PDE3B: variants seen among roughly 807,000 people sequenced by gnomAD.
PDE3B encodes cGMP-inhibited 3',5'-cyclic phosphodiesterase 3B.
In PDE3B, 66 loss-of-function variants were observed where a neutral mutation model predicts 116.8. The observed-to-expected ratio is 0.56, with a 90% CI of 0.46 to 0.69. The LOEUF (loss-of-function observed/expected upper bound fraction) is 0.69, where lower values mean the gene tolerates loss of function less well. Ranked by LOEUF, PDE3B falls within the 30% of genes least tolerant of loss-of-function variation. The pLI is 0.00. For missense variants in PDE3B, 1,384 were observed against 1,368.1 expected (o/e 1.01, Z -0.18); for synonymous variants, 595 against 533.6 (o/e 1.12, Z -1.59).
At chr11:14,869,417 A>G (rs781786617) in intron 15 of PDE3B, 44 bp from the exon 16 acceptor site, 10 of 1,535,456 alleles carry the variant, frequency 6.5e-6, no homozygotes, top group African/African-American at 1.4e-5. Context: ...GAATGATTAA[A>G]TCATATTGCT....
intron 1 of PDE3B, among the ~76,000 whole-genome samples, chr11:14,697,381 A>G (rs1391796999): frequency 1.3e-5 from 2 of 152,122 alleles, no homozygotes; most frequent in African/African-American, 4.8e-5. Flanking sequence ...TTCCCTTCAG[A>G]CTTTCAGTGG....
rs145571831 is a variant in PDE3B at position 14,787,180 on chromosome 11, A to T, written c.1278+495A>T. Among the ~76,000 whole-genome samples the T allele has an allele frequency of 1.8e-3, 280 of 152,058 alleles. 1 individual carries two copies. The highest frequency in any genetic ancestry group is 6.4e-3 in the African/African-American group (264 of 41,544). ...TGTAGCCCAGTAGGCATTGATTTTT[A>T]TATCATTAGAATAGAGGATTAATTT... On this transcript the variant is annotated intron_variant, in intron 3 of 15. Coordinates refer to ENST00000282096, the MANE Select transcript of PDE3B (RefSeq NM_000922.4).
At chr11:14,781,755 C>T (rs1445923034) in intron 2 of PDE3B, among the ~76,000 whole-genome samples, 1 of 152,130 alleles carries the variant, frequency 6.6e-6, no homozygotes, top group African/African-American at 2.4e-5. Flanking sequence ...CAGCACAAGA[C>T]AGGGGTGCCT....
chr11:14,819,902 G>A (rs188562463), intron 7 of PDE3B, among the ~76,000 whole-genome samples: 95 of 152,184 alleles, frequency 6.2e-4, no homozygotes, highest in Non-Finnish European at 7.2e-4. Context: ...ATGACTGATA[G>A]GATGAGCAAT....
At chr11:14,783,525 C>T (rs147120805) in intron 2 of PDE3B, among the ~76,000 whole-genome samples, 2,409 of 152,080 alleles carry the variant, frequency 0.016, 57 homozygotes, top group African/African-American at 0.055. Flanking sequence ...AACCAAACAC[C>T]GCATGTTCTT....
downstream of PDE3B, chr11:14,872,119 AT>A (rs1848150168): frequency 6.6e-6 from 1 of 151,298 alleles, no homozygotes; most frequent in African/African-American, 2.4e-5. Context: ...TTTTCTACTT[AT>A]TTTTACAAGA....
chr11:14,671,207 C>G lies in PDE3B; in HGVS notation c.978+26154C>G, dbSNP rs1854356131. 1.3e-5 allele frequency among the ~76,000 whole-genome samples: 2 copies of G among 152,000 alleles called. 1 individual carries two copies. Among genetic ancestry groups the G allele is most frequent in the South Asian group, 4.1e-4 (2 of 4,828 alleles). On this transcript the variant is annotated intron_variant, in intron 1 of 15. Transcript: ENST00000282096. ...ACTGTGATGCATGAAGAAAATAAAA[C>G]AGAATAATAGTATAAAGGGATACTA...
chr11:14,812,953 TAA>T (rs1482021530), intron 5 of PDE3B, among the ~76,000 whole-genome samples: 1 of 152,066 alleles, frequency 6.6e-6, no homozygotes, highest in Non-Finnish European at 1.5e-5. Context: ...GAGTGCCTTA[TAA>T]AAGAGACCTC....
At chr11:14,849,006 C>G (rs1847677620) in intron 12 of PDE3B, among the ~76,000 whole-genome samples, 1 of 151,916 alleles carries the variant, frequency 6.6e-6, no homozygotes, top group African/African-American at 2.4e-5. Context: ...CATATGGAAC[C>G]AAAAAAGAGC....
chr11:14,740,745 TA>T (rs1414449792), intron 1 of PDE3B, among the ~76,000 whole-genome samples: 2 of 152,182 alleles, frequency 1.3e-5, no homozygotes, highest in Non-Finnish European at 2.9e-5. Flanking sequence ...ATTTAGTCTG[TA>T]AATTCCTCTC....
chr11:14,879,192 C>T, the PDE3B span: 1 of 1,613,300 alleles, frequency 6.2e-7, no homozygotes, highest in South Asian at 1.1e-5. Flanking sequence ...TGGAACACTT[C>T]TGGGTCTCTC....
At chr11:14,721,908 T>C (rs921945560) in intron 1 of PDE3B, among the ~76,000 whole-genome samples, 7 of 131,608 alleles carry the variant, frequency 5.3e-5, no homozygotes, top group Non-Finnish European at 1.1e-4. Flanking sequence ...ACATGTACCC[T>C]AAAACTTAAA....
intron 4 of PDE3B, among the ~76,000 whole-genome samples, chr11:14,796,088 A>G (rs1348198873): frequency 6.6e-6 from 1 of 151,890 alleles, no homozygotes; most frequent in Non-Finnish European, 1.5e-5. Flanking sequence ...ATGTGTTCTC[A>G]TTGTTCAACT....
In PDE3B at chr11:14,786,580, A is replaced by G; in HGVS notation, c.1173A>G (p.Ser391=). The G allele has an allele frequency of 1.2e-6, 2 of 1,613,132 alleles. No individual in the cohort carries two copies. The highest frequency in any genetic ancestry group is 1.1e-5 in the South Asian group (1 of 91,060). Residue 391 remains serine (S), a synonymous_variant, in exon 3 of 16, where the codon TCA becomes TCG. Transcript: ENST00000282096. ...TTAGTAGCTTAATGGGTGCTTTCTC[A>G]GGTTCCTGTAGGCCAAAGATTAATC... The part of the protein sequence containing the change: ...RSISSLMGAF[S]GSCRPKINPL...
intron 1 of PDE3B, among the ~76,000 whole-genome samples, chr11:14,662,785 C>A (rs547632872): frequency 2.0e-5 from 3 of 152,276 alleles, no homozygotes; most frequent in Admixed American, 6.5e-5. Context: ...ACGAACAAAG[C>A]CTCCAAGAAA....
At chr11:14,678,833 G>T (rs1369535260) in intron 1 of PDE3B, among the ~76,000 whole-genome samples, 1 of 151,984 alleles carries the variant, frequency 6.6e-6, no homozygotes, top group African/African-American at 2.4e-5. Flanking sequence ...TTTAACCACA[G>T]GACATGTATA....
chr11:14,875,931 T>A (rs1291121646), downstream of PDE3B, among the ~76,000 whole-genome samples: 2 of 152,214 alleles, frequency 1.3e-5, no homozygotes, highest in African/African-American at 4.8e-5. Context: ...AATGCAAACT[T>A]GGAAGCAAGG....
At chr11:14,682,281 G>A (rs921721387) in intron 1 of PDE3B, among the ~76,000 whole-genome samples, 3 of 152,110 alleles carry the variant, frequency 2.0e-5, no homozygotes, top group South Asian at 2.1e-4. Context: ...AAATGATAAC[G>A]TTGTCTGTCA....
In PDE3B at chr11:14,644,311, G is replaced by A. The variant is rs758932490; in HGVS notation, c.236G>A (p.Arg79His). The A allele has an allele frequency of 5.8e-6, 9 of 1,565,164 alleles. No individual in the cohort carries two copies. The East Asian group carries it at 1.2e-4, about 21-fold the overall frequency. The change falls in exon 1 of 16, where the codon CGC becomes CAC. Residue 79 changes from arginine to histidine, a missense_variant. Physicochemically the swap from Arg to His is conservative, Grantham distance 29. Coordinates refer to ENST00000282096, the MANE Select transcript of PDE3B (RefSeq NM_000922.4). ...CGCTGCTCCCCCTTCTGCCGGGCGC[G>A]CCTCTCGCTGGGCGCCCTGGCTGCC... is the stretch of plus-strand genomic sequence containing the variant. Reference protein sequence around the residue: ...PRRCSPFCRARLSLGALAAFV... With the variant: ...PRRCSPFCRAHLSLGALAAFV...
Sources: allele counts gnomAD v4.1 joint callset (sites outside exome capture counted in the v4.1 genomes callset), GRCh38; gene constraint gnomAD v4.1.1; transcripts MANE v1.5; gene names NCBI Gene and HGNC (gene_info 2026-07-23, HGNC 2026-07-21).